RIMKLB: variants seen among roughly 807,000 people sequenced by gnomAD.
RIMKLB encodes the protein beta-citrylglutamate synthase B.
A neutral mutation model predicts 32.0 loss-of-function variants in RIMKLB; 7 were observed. The ratio of observed to expected loss-of-function variants is 0.22; its 90% CI spans 0.12 to 0.41. The LOEUF (loss-of-function observed/expected upper bound fraction) is 0.41, where lower values mean the gene tolerates loss of function less well. Ranked by LOEUF, RIMKLB falls within the 10% of genes least tolerant of loss-of-function variation. The pLI is 1.00. For synonymous variants in RIMKLB, 172 were observed against 185.1 expected (o/e 0.93, Z 0.57); for missense variants, 289 against 498.7 (o/e 0.58, Z 4.00).
intron 1 of RIMKLB, among the ~76,000 whole-genome samples, chr12:8,702,268 A>C (rs535997992): frequency 6.6e-6 from 1 of 152,260 alleles, no homozygotes; most frequent in South Asian, 2.1e-4. Flanking sequence ...TTATCTGTCT[A>C]TCAGTTATCC....
chr12:8,736,246 A>G (rs1185684705), intron 2 of RIMKLB, among the ~76,000 whole-genome samples: 2 of 152,150 alleles, frequency 1.3e-5, no homozygotes, highest in Non-Finnish European at 2.9e-5. Flanking sequence ...ATAAGGTGCT[A>G]TTTAGGGAGG....
At chr12:8,721,946 G>C (rs1945483972) in intron 2 of RIMKLB, among the ~76,000 whole-genome samples, 1 of 152,042 alleles carries the variant, frequency 6.6e-6, no homozygotes, top group Non-Finnish European at 1.5e-5. Flanking sequence ...GTTTTGCCAT[G>C]TTGGCCAGGT....
chr12:8,736,517 C>CTTTTTTTTTTT (rs1157484475), intron 2 of RIMKLB, among the ~76,000 whole-genome samples: 1 of 126,774 alleles, frequency 7.9e-6, no homozygotes, highest in African/African-American at 3.0e-5. Flanking sequence ...CATGTATTTC[C>CTTTTTTTTTTT]TTTTTTTTTT....
At chr12:8,670,215 C>A in the RIMKLB span, among the ~76,000 whole-genome samples, 24 of 152,134 alleles carry the variant, frequency 1.6e-4, no homozygotes, top group East Asian at 4.5e-3. Flanking sequence ...ACCAATCATG[C>A]CTTCCCAAGA....
intron 5 of RIMKLB, among the ~76,000 whole-genome samples, chr12:8,767,464 C>G (rs943936744): frequency 6.6e-6 from 1 of 152,160 alleles, no homozygotes; most frequent in Non-Finnish European, 1.5e-5. Context: ...AAATGAAAGT[C>G]TGAATCATTA....
chr12:8,773,341 T>G lies in RIMKLB; in HGVS notation c.718T>G (p.Ser240Ala), dbSNP rs763297463. Residue 240 changes from serine (S) to alanine (A), a missense_variant, in exon 6 of 6, where the codon TCA becomes GCA. Physicochemically the swap from Ser to Ala is moderately conservative, Grantham distance 99. This residue lies in a region of RIMKLB where 156 missense variants were observed against 329.5 expected (regional missense o/e 0.47). Transcript: ENST00000535829. ...GCCAGGTGGTGTGGGGATGATGTGCTCATTGAGTGAACAAGGGAAGCAGCT... is the reference window on the plus strand; with the variant it reads ...GCCAGGTGGTGTGGGGATGATGTGCGCATTGAGTGAACAAGGGAAGCAGCT... Reference protein sequence around the residue: ...CSLGGVGMMCSLSEQGKQLAI... With the variant: ...CSLGGVGMMCALSEQGKQLAI... The G allele has an allele frequency of 6.2e-7, 1 of 1,613,222 alleles. No homozygotes were observed. The highest frequency in any genetic ancestry group is 8.5e-7 in the Non-Finnish European group (1 of 1,179,278).
In RIMKLB at chr12:8,774,835, G is replaced by C. The variant is rs1178630959; in HGVS notation, c.*1051G>C. 2 of 985,306 alleles carry C rather than the reference G, an allele frequency of 2.0e-6. No individual in the cohort carries two copies. Among genetic ancestry groups the C allele is most frequent in the African/African-American group, 3.5e-5 (2 of 57,184 alleles). The allele number at this position is 985,306 out of a possible 1,614,324, so 61.0% of individuals were successfully genotyped here. ...AGCTGAAGTGATTTCGAATGCCAGCGTTATATATTTGCATTTTTCACATTT... is the reference window on the plus strand; with the variant it reads ...AGCTGAAGTGATTTCGAATGCCAGCCTTATATATTTGCATTTTTCACATTT... On this transcript the variant is annotated 3_prime_UTR_variant, in exon 6 of 6. Coordinates refer to ENST00000535829, the MANE Select transcript of RIMKLB (RefSeq NM_001297776.2).
chr12:8,735,510 G>A (rs766377743), intron 2 of RIMKLB, among the ~76,000 whole-genome samples: 5 of 152,096 alleles, frequency 3.3e-5, no homozygotes, highest in Non-Finnish European at 5.9e-5. Context: ...GAATATAGGC[G>A]TGAGCCACTG....
At chr12:8,695,670 T>C (rs562613609), upstream of RIMKLB, among the ~76,000 whole-genome samples, 27 of 151,566 alleles carry the variant, frequency 1.8e-4, no homozygotes, top group Non-Finnish European at 3.4e-4. Flanking sequence ...GTATGGCACA[T>C]AGAAGCAATA....
rs908122373 is a variant in RIMKLB, at chr12:8,713,740, A to G, written c.-56-71A>G. The G allele has an allele frequency of 1.8e-5, 16 of 907,536 alleles. No individual in the cohort carries two copies. The African/African-American group carries it at 2.3e-4, about 13-fold the overall frequency. The allele number at this position is 907,536 out of a possible 1,614,324, so 56.2% of individuals were successfully genotyped here. On this transcript the variant is annotated intron_variant, in intron 1 of 5. Transcript: ENST00000535829. ...TAATTAGTATATAATCACGGCATTT[A>G]TTTGTATGAAATCCAGAAATCAAGT...
At chr12:8,781,743 T>TAG (rs1452450482), downstream of RIMKLB, among the ~76,000 whole-genome samples, 1 of 152,146 alleles carries the variant, frequency 6.6e-6, no homozygotes, top group Non-Finnish European at 1.5e-5. Context: ...TTCCTCCCTC[T>TAG]CTCCCCACTT....
chr12:8,705,217 C>G (rs1250565911), intron 1 of RIMKLB, among the ~76,000 whole-genome samples: 1 of 152,072 alleles, frequency 6.6e-6, no homozygotes, highest in Non-Finnish European at 1.5e-5. Flanking sequence ...TGGCTCATAC[C>G]TGTAATCCTA....
chr12:8,718,689 G>GTT (rs1945138049), intron 2 of RIMKLB, among the ~76,000 whole-genome samples: 4 of 151,616 alleles, frequency 2.6e-5, no homozygotes, highest in African/African-American at 9.7e-5. Flanking sequence ...GTGTGTGTGT[G>GTT]TGTGTGTGTG....
At chr12:8,672,766 G>A in the RIMKLB span, among the ~76,000 whole-genome samples, 9 of 152,190 alleles carry the variant, frequency 5.9e-5, no homozygotes, top group South Asian at 2.1e-4. Context: ...CCGCCTCCCC[G>A]TGCTCCTGCT....
chr12:8,709,009 C>T (rs939719921), intron 1 of RIMKLB, among the ~76,000 whole-genome samples: 4 of 152,160 alleles, frequency 2.6e-5, no homozygotes, highest in African/African-American at 9.7e-5. Flanking sequence ...GATTGGTTGA[C>T]CTGAGCTTAC....
At chr12:8,741,054 A>G (rs1947467144) in intron 2 of RIMKLB, among the ~76,000 whole-genome samples, 1 of 152,200 alleles carries the variant, frequency 6.6e-6, no homozygotes, top group African/African-American at 2.4e-5. Flanking sequence ...TAAAAATACA[A>G]AAATTAGCTG....
In RIMKLB at chr12:8,713,914, C is replaced by T. The variant is rs369341961; in HGVS notation, c.48C>T (p.Arg16=). Residue 16 remains arginine (R), a synonymous_variant, in exon 2 of 6, where the codon CGC becomes CGT. Transcript: ENST00000535829. ...AAKLWFLTDR[R]IREDYPQKEI... ...AGTTGTGGTTTTTGACAGATCGTCG[C>T]ATCAGGGAAGACTATCCTCAAAAAG... 6 of 1,613,960 alleles carry T rather than the reference C, an allele frequency of 3.7e-6. No individual in the cohort carries two copies. Among genetic ancestry groups the T allele is most frequent in the Non-Finnish European group, 4.2e-6 (5 of 1,180,028 alleles).
rs1232506392 is a variant in RIMKLB, at chr12:8,776,154, GTAGT to G, written c.*2375_*2378del. 4 of 984,848 alleles carry G rather than the reference GTAGT, an allele frequency of 4.1e-6. No individual in the cohort carries two copies. Among genetic ancestry groups the G allele is most frequent in the South Asian group, 9.4e-5 (2 of 21,278 alleles). 61.0% of individuals were successfully genotyped at this position (984,848 alleles called of 1,614,324 possible). On this transcript the variant is annotated 3_prime_UTR_variant, in exon 6 of 6. Transcript: ENST00000535829. ...GGTGGGGTAAGGCATCAGGAAAAAT[GTAGT>G]TAGTCTTTTCTTAACTTATACCAAA...
intron 5 of RIMKLB, among the ~76,000 whole-genome samples, chr12:8,762,143 T>G (rs57373565): frequency 0.011 from 1,658 of 152,312 alleles, 24 homozygotes; most frequent in African/African-American, 0.039. Context: ...GGAAGCTGCA[T>G]TCTCCATAGA....
Sources: allele counts gnomAD v4.1 joint callset (sites outside exome capture counted in the v4.1 genomes callset), GRCh38; gene constraint gnomAD v4.1.1; regional missense constraint gnomAD v4.1.1; transcripts MANE v1.5; gene names NCBI Gene and HGNC (gene_info 2026-07-23, HGNC 2026-07-21).